NPC1: variants seen among roughly 807,000 people sequenced by gnomAD.
NPC1 encodes Niemann-Pick C1 protein.
Under a neutral mutation model 140.4 loss-of-function variants are expected in NPC1, and 85 were observed. That is an observed-to-expected ratio of 0.61 (90% CI 0.51 to 0.72). The LOEUF is 0.72. NPC1 is among the 30% of genes least tolerant of loss of function. The pLI is 0.00. For missense variants in NPC1, 1,504 were observed against 1,623.8 expected, an observed-to-expected ratio of 0.93 and a Z score of 1.27; for synonymous variants, 656 against 624.8, an observed-to-expected ratio of 1.05 and a Z score of -0.74.
In NPC1 at chr18:23,531,724, A is replaced by G. The variant is rs200905801; in HGVS notation, c.*478T>C. On this transcript the variant is annotated 3_prime_UTR_variant, in exon 25 of 25. Coordinates refer to ENST00000269228, the MANE Select transcript of NPC1 (RefSeq NM_000271.5). ...TTCTGAAATCACTTGCTGTTTTTTT[A>G]TATAAAAATGTGTACAAAGTTAATT... 2.1e-5 allele frequency: 33 copies of G among 1,598,868 alleles called. No homozygotes were observed. The highest frequency in any genetic ancestry group is 1.2e-5 in the Non-Finnish European group (14 of 1,176,214).
At position 23,539,971 on chromosome 18, in the gene NPC1, T is replaced by C. The variant is rs904277386; in HGVS notation, c.2635A>G (p.Ile879Val). The change falls in exon 18 of 25, where the codon ATC becomes GTC. Residue 879 changes from isoleucine (I) to valine (V), a missense_variant. By Grantham distance (29) the Ile-to-Val change is conservative. Transcript: ENST00000269228. ...GGACCCGCATGCAGGTACTGACTGA[T>C]GGATTTGAAATAATCCACCATGTAG... is the stretch of plus-strand genomic sequence containing the variant. Reference protein sequence around the residue: ...DSYMVDYFKSISQYLHAGPPV... With the variant: ...DSYMVDYFKSVSQYLHAGPPV... 2.0e-5 allele frequency: 32 copies of C among 1,614,206 alleles called. No individual in the cohort carries two copies. The highest frequency in any genetic ancestry group is 2.6e-5 in the Non-Finnish European group (31 of 1,180,024).
At chr18:23,524,148 G>C in intron 1 of NPC1, 1 of 1,614,058 alleles carries the variant, frequency 6.2e-7, no homozygotes, top group Non-Finnish European at 8.5e-7. Flanking sequence ...GCCGTGACCA[G>C]CCAGTCTCCT....
chr18:23,539,465 C>T lies in NPC1; in HGVS notation c.2801G>A (p.Arg934Gln), dbSNP rs786204714. The change falls in exon 19 of 25, where the codon CGA becomes CAA. Residue 934 changes from arginine to glutamine, a missense_variant. Arg to Gln is a conservative substitution (Grantham distance 43). Coordinates refer to ENST00000269228, the MANE Select transcript of NPC1 (RefSeq NM_000271.5). The part of the protein sequence containing the change: ...FNAAQLDNYT[R>Q]IGFAPSSWID... ...CCAGGACGAGGGGGCGAAGCCTATTCGGGTACTAGAGAGGACAGACAGGGT... is the reference window on the plus strand; with the variant it reads ...CCAGGACGAGGGGGCGAAGCCTATTTGGGTACTAGAGAGGACAGACAGGGT... 25 of 1,610,568 alleles carry T rather than the reference C, an allele frequency of 1.6e-5. No individual in the cohort carries two copies. Among genetic ancestry groups the T allele is most frequent in the Non-Finnish European group, 2.0e-5 (24 of 1,177,468 alleles).
rs757702201 is a variant in NPC1 at position 23,538,525 on chromosome 18, A to G, written c.3041+17T>C. The G allele has an allele frequency of 1.2e-6, 2 of 1,613,998 alleles. No individual in the cohort carries two copies. Among genetic ancestry groups the G allele is most frequent in the African/African-American group, 1.3e-5 (1 of 74,924 alleles). On this transcript the variant is annotated intron_variant, in intron 20 of 24. Transcript: ENST00000269228. ...AAGTTGCAGTGGATGCTTATCTGCAATGGCAGCAGCACTTACCCTTTGCCA... is the reference window on the plus strand; with the variant it reads ...AAGTTGCAGTGGATGCTTATCTGCAGTGGCAGCAGCACTTACCCTTTGCCA...
chr18:23,554,777 G>A lies in NPC1; in HGVS notation c.1534C>T (p.His512Tyr), dbSNP rs1168944129. 6.2e-7 allele frequency: 1 copy of A among 1,613,838 alleles called. No individual in the cohort carries two copies. The highest frequency in any genetic ancestry group is 1.1e-5 in the South Asian group (1 of 91,052). Residue 512 changes from histidine (H) to tyrosine (Y), a missense_variant, in exon 9 of 25, where the codon CAC becomes TAC. Transcript: ENST00000269228. Reference sequence around the variant, plus strand: ...ACTTACCGTACGCAGTACAGAAAGTGCGTGTGGTAATCGGCATACACAAAG... The same window carrying A: ...ACTTACCGTACGCAGTACAGAAAGTACGTGTGGTAATCGGCATACACAAAG... ...DFFVYADYHT[H>Y]FLYCVRAPAS...
At chr18:23,565,858 T>C (rs1211651485) in intron 4 of NPC1, among the ~76,000 whole-genome samples, 1 of 152,138 alleles carries the variant, frequency 6.6e-6, no homozygotes, top group African/African-American at 2.4e-5. Context: ...CCTTTGATTA[T>C]TATTGTCTCT....
At chr18:23,561,653 A>G in intron 4 of NPC1, 126 bp from the exon 5 acceptor site, 1 of 926,682 alleles carries the variant, frequency 1.1e-6, no homozygotes, top group African/African-American at 1.6e-5. Flanking sequence ...AATGCTGGAC[A>G]GCAAACACTA....
chr18:23,562,364 C>T (rs2059055574), intron 4 of NPC1, among the ~76,000 whole-genome samples: 1 of 151,636 alleles, frequency 6.6e-6, no homozygotes, highest in Admixed American at 6.6e-5. Flanking sequence ...TACACATACA[C>T]ACAACACATT....
chr18:23,546,647 G>A (rs1416355857), intron 11 of NPC1, among the ~76,000 whole-genome samples: 1 of 152,174 alleles, frequency 6.6e-6, no homozygotes, highest in Non-Finnish European at 1.5e-5. Context: ...ACACAATGTG[G>A]TATATCCATA....
chr18:23,536,565 G>C (rs2058633822), intron 21 of NPC1, 108 bp downstream of exon 21: 1 of 929,226 alleles, frequency 1.1e-6, no homozygotes, highest in Non-Finnish European at 1.7e-6. Flanking sequence ...TGGAGCAGGG[G>C]CCAGAACCCA....
rs752378973 is a variant in NPC1 at position 23,535,714 on chromosome 18, G to A, written c.3246-14C>T. ...ACATAAAACACACTGGAGGGGAGAG[G>A]GGAGGCCTCATTAAAGCTCGCTCTC... On this transcript the variant is annotated splice_polypyrimidine_tract_variant and intron_variant, in intron 21 of 24. Transcript: ENST00000269228. The A allele has an allele frequency of 2.0e-5, 31 of 1,570,580 alleles. No individual in the cohort carries two copies. In the South Asian group the frequency reaches 2.9e-4, roughly 15 times the overall value.
At chr18:23,556,755 T>C (rs549496880) in intron 7 of NPC1, 142 bp from the exon 8 acceptor site, 6 of 1,327,620 alleles carry the variant, frequency 4.5e-6, no homozygotes, top group Admixed American at 2.0e-5. Context: ...TGCCCTCAGC[T>C]ACCTATCTGC....
At chr18:23,516,257 G>C (rs1212154399) in intron 3 of NPC1, 1 of 1,552,296 alleles carries the variant, frequency 6.4e-7, no homozygotes, top group Non-Finnish European at 8.9e-7. Flanking sequence ...GTTTTACACA[G>C]GGAATGATGA....
rs1471800476 is a variant in NPC1, at chr18:23,534,452, G to A, written c.3585C>T (p.Gly1195=). The change falls in exon 23 of 25, where the codon GGC becomes GGT. Residue 1195 remains glycine (G), a synonymous_variant. Coordinates refer to ENST00000269228, the MANE Select transcript of NPC1 (RefSeq NM_000271.5). ...ERAEEALAHM[G]SSVFSGITLT... ...CCCTGCTCAGGGTACTCACGGAGCT[G>A]CCCATGTGGGCAAGTGCCTCTTCCG... 2 of 1,611,462 alleles carry A rather than the reference G, an allele frequency of 1.2e-6. No individual in the cohort carries two copies. Among genetic ancestry groups the A allele is most frequent in the South Asian group, 2.2e-5 (2 of 91,044 alleles).
chr18:23,560,008 T>A (rs1194957433), intron 6 of NPC1, among the ~76,000 whole-genome samples: 1 of 151,912 alleles, frequency 6.6e-6, no homozygotes, highest in Non-Finnish European at 1.5e-5. Context: ...AAATCACACA[T>A]CATTTTGAAT....
chr18:23,510,019 T>TA lies in NPC1; in HGVS notation c.432-3378dup, dbSNP rs531660350. Among the ~76,000 whole-genome samples the TA allele has an allele frequency of 7.0e-3, 926 of 132,268 alleles. 14 individuals carry two copies. The highest frequency in any genetic ancestry group is 0.064 in the East Asian group (297 of 4,668). 86.8% of individuals were successfully genotyped at this position (132,268 alleles called of 152,430 possible). On this transcript the variant is annotated intron_variant, in intron 3 of 3. Transcript: ENST00000591107. ...TTTTTTATAATTGCAAGTAATAAAT[T>TA]AAAAAAAAAAAAAAGAAAAGAAAAA...
intron 13 of NPC1, 86 bp from the exon 14 acceptor site, chr18:23,543,655 T>C: frequency 1.3e-6 from 1 of 780,130 alleles, no homozygotes; most frequent in Non-Finnish European, 2.2e-6. Flanking sequence ...AACTCAAGGG[T>C]AAAAATAAAT....
intron 3 of NPC1, chr18:23,508,089 C>T: frequency 6.4e-7 from 1 of 1,563,360 alleles, no homozygotes; most frequent in Non-Finnish European, 8.7e-7. Context: ...TGGTGTTGAG[C>T]TGGGTTATGT....
At chr18:23,529,249 A>C (rs2058408505), downstream of NPC1, 3 of 1,614,074 alleles carry the variant, frequency 1.9e-6, no homozygotes, top group Non-Finnish European at 2.5e-6. Flanking sequence ...GCGGTGCTGG[A>C]CCAGTCAGAT....
Sources: allele counts gnomAD v4.1 joint callset (sites outside exome capture counted in the v4.1 genomes callset), GRCh38; gene constraint gnomAD v4.1.1; transcripts MANE v1.5; gene names NCBI Gene and HGNC (gene_info 2026-07-23, HGNC 2026-07-21).